The following TAPT1 variants were observed in gnomAD, a reference collection of about 807,000 sequenced individuals.
TAPT1 encodes transmembrane anterior posterior transformation 1.
A neutral mutation model predicts 65.6 loss-of-function variants in TAPT1; 28 were observed. The ratio of observed to expected loss-of-function variants is 0.43; its 90% confidence interval spans 0.32 to 0.59. The LOEUF (loss-of-function observed/expected upper bound fraction) is 0.59, where lower values mean the gene tolerates loss of function less well. Ranked by LOEUF, TAPT1 falls within the 20% of genes least tolerant of loss-of-function variation. TAPT1 has a pLI of 0.09. For synonymous variants in TAPT1, 278 were observed against 245.2 expected (o/e 1.13, Z -1.25); for missense variants, 563 against 679.9 (o/e 0.83, Z 1.91).
chr4:16,165,610 T>C (rs1444177069), intron 13 of TAPT1, among the ~76,000 whole-genome samples: 3 of 151,514 alleles, frequency 2.0e-5, no homozygotes, highest in Non-Finnish European at 4.4e-5. Flanking sequence ...CTAAAAGTTA[T>C]ATGAACAAAT....
At chr4:16,191,647 A>C in intron 3 of TAPT1, 124 bp from the exon 4 acceptor site, 1 of 1,087,904 alleles carries the variant, frequency 9.2e-7, no homozygotes. Context: ...TGATCTTTTA[A>C]AAACTTCAAA....
chr4:16,195,856 A>T (rs1463657488), intron 3 of TAPT1, among the ~76,000 whole-genome samples: 3 of 152,250 alleles, frequency 2.0e-5, no homozygotes, highest in African/African-American at 7.2e-5. Context: ...GTGGACAGAA[A>T]GATCAAGAAG....
At position 16,174,669 on chromosome 4, in the gene TAPT1, C is replaced by G. The variant is rs1198840386; in HGVS notation, c.1167+1G>C. ...AGACTACGCCCTTGATAAATGCTCA[C>G]ATTTTTCTGTCGGCTGCTAACAAGG... On this transcript the variant is annotated splice_donor_variant, in intron 10 of 13. Transcript: ENST00000405303. LOFTEE classifies it high-confidence loss of function. The G allele has an allele frequency of 6.3e-7, 1 of 1,590,058 alleles. No individual in the cohort carries two copies. Among genetic ancestry groups the G allele is most frequent in the Admixed American group, 1.8e-5 (1 of 56,950 alleles).
chr4:16,188,781 G>A (rs1249949909), intron 4 of TAPT1, among the ~76,000 whole-genome samples: 2 of 152,038 alleles, frequency 1.3e-5, no homozygotes, highest in Non-Finnish European at 2.9e-5. Context: ...TTAGCCGGGC[G>A]TGGTGGCAGG....
intron 2 of TAPT1, among the ~76,000 whole-genome samples, chr4:16,212,747 C>T (rs758651874): frequency 1.6e-4 from 25 of 152,244 alleles, no homozygotes; most frequent in Non-Finnish European, 3.2e-4. Flanking sequence ...TTTGCTTGCT[C>T]ACCAGCTCTC....
upstream of TAPT1, chr4:16,226,632 T>TGCC (rs962928734): frequency 7.9e-4 from 173 of 218,744 alleles, no homozygotes; most frequent in Middle Eastern, 2.3e-3. Flanking sequence ...GTGAGGCCGC[T>TGCC]GCCGCCGCCG....
In TAPT1 at chr4:16,186,532, T is replaced by C. The variant is rs1445047774; in HGVS notation, c.916+3A>G. The C allele has an allele frequency of 6.6e-7, 1 of 1,519,640 alleles. No homozygotes were observed. Among genetic ancestry groups the C allele is most frequent in the African/African-American group, 1.4e-5 (1 of 72,514 alleles). 94.1% of individuals were successfully genotyped at this position (1,519,640 alleles called of 1,614,324 possible). On this transcript the variant is annotated splice_donor_region_variant and intron_variant, in intron 7 of 13. Coordinates refer to ENST00000405303, the MANE Select transcript of TAPT1 (RefSeq NM_153365.3). ...ACTTCAAGTAGAATCTAATTGTACA[T>C]ACCGCTATTTGACATTTGAAAGAGA...
At chr4:16,186,953 G>T in intron 5 of TAPT1, 75 bp from the exon 6 acceptor site, 2 of 760,094 alleles carry the variant, frequency 2.6e-6, no homozygotes, top group South Asian at 1.7e-5. Context: ...TTTTGAAAGT[G>T]AATAATAAAG....
chr4:16,221,467 A>G (rs1381260321), intron 1 of TAPT1, among the ~76,000 whole-genome samples: 1 of 152,192 alleles, frequency 6.6e-6, no homozygotes, highest in African/African-American at 2.4e-5. Flanking sequence ...CTACCACAGA[A>G]TTGCTCTGTG....
chr4:16,207,520 C>G (rs899396075), intron 2 of TAPT1, among the ~76,000 whole-genome samples: 1 of 152,184 alleles, frequency 6.6e-6, no homozygotes, highest in Admixed American at 6.5e-5. Flanking sequence ...TCTACCCTCA[C>G]CATTCCTCAC....
At chr4:16,202,694 T>G in intron 2 of TAPT1, 114 bp from the exon 3 acceptor site, 1 of 582,116 alleles carries the variant, frequency 1.7e-6, no homozygotes, top group South Asian at 2.1e-5. Flanking sequence ...TTCTTAAAAC[T>G]TAGCCCTGGG....
intron 13 of TAPT1, among the ~76,000 whole-genome samples, chr4:16,165,592 C>T (rs1399074075): frequency 6.6e-6 from 1 of 151,228 alleles, no homozygotes; most frequent in Non-Finnish European, 1.5e-5. Flanking sequence ...AAAAATACAT[C>T]ATTTAAACTA....
upstream of TAPT1, chr4:16,227,025 G>T (rs1380162790): frequency 2.2e-6 from 1 of 453,514 alleles, no homozygotes; most frequent in Non-Finnish European, 4.4e-6. Context: ...CCAGATCACC[G>T]ACCCCCACGA....
chr4:16,165,366 C>T (rs1273826236), intron 13 of TAPT1, among the ~76,000 whole-genome samples: 2 of 151,808 alleles, frequency 1.3e-5, no homozygotes, highest in Non-Finnish European at 2.9e-5. Flanking sequence ...GTCAGGAGAT[C>T]GAGACCATCC....
intron 1 of TAPT1, among the ~76,000 whole-genome samples, chr4:16,221,004 G>A (rs1183903003): frequency 5.3e-5 from 8 of 151,918 alleles, no homozygotes; most frequent in African/African-American, 1.7e-4. Context: ...CAAGTGCTAC[G>A]ATTATAGGTG....
intron 7 of TAPT1, 98 bp downstream of exon 7, chr4:16,186,437 G>T: frequency 2.7e-6 from 2 of 748,622 alleles, no homozygotes; most frequent in Non-Finnish European, 4.5e-6. Flanking sequence ...TACAGTTTAA[G>T]CTGAAGAGTG....
chr4:16,170,376 T>C (rs1747914289), intron 12 of TAPT1, among the ~76,000 whole-genome samples: 1 of 152,218 alleles, frequency 6.6e-6, no homozygotes, highest in Non-Finnish European at 1.5e-5. Context: ...CTTTTATTCA[T>C]CAAAAAAATG....
intron 2 of TAPT1, among the ~76,000 whole-genome samples, chr4:16,209,963 T>G (rs992040532): frequency 6.6e-6 from 1 of 152,318 alleles, no homozygotes; most frequent in South Asian, 2.1e-4. Flanking sequence ...TTTAGGAAAC[T>G]GGTGCTCCCT....
intron 2 of TAPT1, among the ~76,000 whole-genome samples, chr4:16,211,041 GGTGT>G (rs140585912): frequency 0.076 from 11,286 of 149,082 alleles, 1,300 homozygotes; most frequent in African/African-American, 0.26. Context: ...CAAAAATTGG[GGTGT>G]TTTTTTTTTC....
Sources: gnomAD v4.1 joint callset for allele counts (sites outside exome capture counted in the v4.1 genomes callset) on GRCh38, gnomAD v4.1.1 for gene constraint, MANE v1.5 for transcripts, NCBI Gene and HGNC (gene_info 2026-07-23, HGNC 2026-07-21) for gene names.